LRCH3: variants seen among roughly 807,000 people sequenced by gnomAD.
LRCH3 encodes DISP complex protein LRCH3.
In LRCH3, 68 loss-of-function variants were observed where a neutral mutation model predicts 104.5. The observed-to-expected ratio is 0.65, with a 90% CI of 0.54 to 0.80. LRCH3 has a LOEUF of 0.80. Ranked by LOEUF, LRCH3 falls within the 30% of genes least tolerant of loss-of-function variation. The pLI is 0.00. For synonymous variants in LRCH3, 344 were observed against 361.3 expected (o/e 0.95, Z 0.54); for missense variants, 951 against 953.9 (o/e 1.00, Z 0.04).
intron 1 of LRCH3, among the ~76,000 whole-genome samples, chr3:197,802,933 A>G (rs904292134): frequency 1.3e-5 from 2 of 152,206 alleles, no homozygotes; most frequent in African/African-American, 4.8e-5. Context: ...CAATCAGAAC[A>G]TTCTCAAGGA....
At chr3:197,831,647 CTT>C (rs913934978) in intron 7 of LRCH3, among the ~76,000 whole-genome samples, 2 of 151,802 alleles carry the variant, frequency 1.3e-5, no homozygotes, top group Non-Finnish European at 2.9e-5. Context: ...AGTCATGAAT[CTT>C]TTATATTTTT....
chr3:197,813,510 ATTTTTTTTTTTTT>A lies in LRCH3; in HGVS notation c.263-1372_263-1360del, dbSNP rs57062885. Among the ~76,000 whole-genome samples, 152 of 66,052 alleles carry A rather than the reference ATTTTTTTTTTTTT, an allele frequency of 2.3e-3. 3 individuals are homozygous for A. The highest frequency in any genetic ancestry group is 3.4e-3 in the Admixed American group (18 of 5,300). The allele number at this position is 66,052 out of a possible 152,430, so 43.3% of individuals were successfully genotyped here. On this transcript the variant is annotated intron_variant, in intron 1 of 20. Coordinates refer to ENST00000425562, the MANE Select transcript of LRCH3 (RefSeq NM_001365715.1). Reference sequence around the variant, plus strand: ...CCGTTCTTCTAATGGGAGGCATATAATTTTTTTTTTTTTTTTTTTTTTTTTTTTTTTTTTTTTT... The same window carrying A: ...CCGTTCTTCTAATGGGAGGCATATAATTTTTTTTTTTTTTTTTTTTTTTTT...
intron 1 of LRCH3, among the ~76,000 whole-genome samples, chr3:197,792,577 T>TTTTATATATA (rs1553912028): frequency 4.9e-5 from 1 of 20,330 alleles, no homozygotes; most frequent in African/African-American, 1.2e-4. Flanking sequence ...CCAGCTAATT[T>TTTTATATATA]TATATATATA....
chr3:197,875,820 G>A lies in LRCH3; in HGVS notation c.2208+45G>A, dbSNP rs1407716801. The stretch of plus-strand genomic sequence containing the variant: ...TTATGTTGCCTAAATAGACTTGGTT[G>A]TCCTAAAATTTTAGAAATGTAAATC... On this transcript the variant is annotated intron_variant, in intron 20 of 20. Coordinates refer to ENST00000425562, the MANE Select transcript of LRCH3 (RefSeq NM_001365715.1). The A allele has an allele frequency of 4.7e-6, 6 of 1,277,276 alleles. No individual in the cohort carries two copies. The South Asian group carries it at 7.8e-5, about 17-fold the overall frequency. The allele number at this position is 1,277,276 out of a possible 1,614,324, so 79.1% of individuals were successfully genotyped here. A position where few individuals can be genotyped will look rare whatever the true frequency, so the allele number is the denominator to read the frequency against.
chr3:197,832,232 A>G lies in LRCH3; in HGVS notation c.1017A>G (p.Val339=), dbSNP rs751182170. 8 of 1,613,602 alleles carry G rather than the reference A, an allele frequency of 5.0e-6. No individual in the cohort carries two copies. The highest frequency in any genetic ancestry group is 6.8e-6 in the Non-Finnish European group (8 of 1,179,558). Residue 339 remains valine, a synonymous_variant, in exon 8 of 21, where the codon GTA becomes GTG. Transcript: ENST00000425562. ...AATTTTCAGATCTGCCTCTTCGAGT[A>G]GCAGAGATTACTAAAGAACAAAGAC... is the stretch of plus-strand genomic sequence containing the variant. The part of the protein sequence containing the change: ...TDEFSDLPLR[V]AEITKEQRLR...
At chr3:197,834,568 G>GT (rs1460498914) in intron 8 of LRCH3, among the ~76,000 whole-genome samples, 3 of 152,140 alleles carry the variant, frequency 2.0e-5, no homozygotes, top group Admixed American at 6.5e-5. Flanking sequence ...TTTCTCTTGA[G>GT]TTGACTGTGT....
chr3:197,848,064 A>C, intron 12 of LRCH3, 43 bp downstream of exon 12: 1 of 1,606,932 alleles, frequency 6.2e-7, no homozygotes, highest in South Asian at 1.1e-5. Flanking sequence ...TGACTGGCTA[A>C]GTGCTTATTT....
intron 15 of LRCH3, among the ~76,000 whole-genome samples, chr3:197,862,803 C>T (rs531591676): frequency 2.7e-4 from 41 of 152,246 alleles, no homozygotes; most frequent in Non-Finnish European, 4.9e-4. Context: ...ACTTAGTTTA[C>T]TTGCATCTAT....
chr3:197,845,216 C>G (rs1738477043), intron 10 of LRCH3, among the ~76,000 whole-genome samples: 1 of 151,856 alleles, frequency 6.6e-6, no homozygotes, highest in South Asian at 2.1e-4. Context: ...CAAGACCAGC[C>G]TGGGCAACAT....
intron 4 of LRCH3, among the ~76,000 whole-genome samples, chr3:197,825,360 CTT>C (rs35669763): frequency 1.0e-4 from 12 of 119,314 alleles, no homozygotes; most frequent in African/African-American, 3.1e-4. Context: ...TGTTTTATAT[CTT>C]TTTTTTTTTT....
chr3:197,835,841 C>G lies in LRCH3; in HGVS notation c.1251+19C>G. ...TCATGAGGTAGTACACAGATTGAAG[C>G]CTAAATATGTTGCTATCCCTTCATA... On this transcript the variant is annotated intron_variant, in intron 9 of 20. Transcript: ENST00000425562. 6.2e-7 allele frequency: 1 copy of G among 1,610,132 alleles called. No homozygotes were observed.
chr3:197,815,430 T>C, intron 2 of LRCH3, among the ~76,000 whole-genome samples: 1 of 152,348 alleles, frequency 6.6e-6, no homozygotes, highest in East Asian at 1.9e-4. Context: ...TATAATAAAG[T>C]ATTGAATAGC....
intron 12 of LRCH3, chr3:197,851,022 C>T (rs1739522505): frequency 6.6e-6 from 5 of 762,330 alleles, no homozygotes; most frequent in South Asian, 1.4e-5. Context: ...CAAGGAAACA[C>T]GCTCAGAGAG....
In LRCH3 at chr3:197,885,086, C is replaced by CTA. The variant is rs1295274840; in HGVS notation, c.*1421_*1422dup. 6.6e-6 allele frequency: 1 copy of CTA among 152,186 alleles called. No individual in the cohort carries two copies. Among genetic ancestry groups the CTA allele is most frequent in the African/African-American group, 2.4e-5 (1 of 41,450 alleles). 9.4% of individuals were successfully genotyped at this position (152,186 alleles called of 1,614,324 possible). A position where few individuals can be genotyped will look rare whatever the true frequency, so the allele number is the denominator to read the frequency against. ...ATACACAGGTTCCAAACCCCGTTAT[C>CTA]TAGACATTATCAACAACAAGCCCTC... On this transcript the variant is annotated 3_prime_UTR_variant, in exon 21 of 21. Transcript: ENST00000425562.
At chr3:197,865,165 G>A (rs550945996) in intron 15 of LRCH3, among the ~76,000 whole-genome samples, 9 of 152,028 alleles carry the variant, frequency 5.9e-5, no homozygotes, top group Non-Finnish European at 8.8e-5. Flanking sequence ...TTTTTTAGAC[G>A]TTTTGTAGAG....
At chr3:197,879,972 G>A (rs749802286) in intron 20 of LRCH3, among the ~76,000 whole-genome samples, 6 of 149,014 alleles carry the variant, frequency 4.0e-5, no homozygotes, top group Middle Eastern at 3.5e-3. Context: ...TTGAGACGGA[G>A]TCTCGCTCTG....
At chr3:197,865,975 C>T in intron 16 of LRCH3, 137 bp from the exon 17 acceptor site, 1 of 648,666 alleles carries the variant, frequency 1.5e-6, no homozygotes, top group East Asian at 2.8e-5. Context: ...ATTTTCTGTA[C>T]CAGACTTTTC....
At chr3:197,855,512 T>C (rs1740130292) in intron 14 of LRCH3, among the ~76,000 whole-genome samples, 2 of 152,210 alleles carry the variant, frequency 1.3e-5, no homozygotes, top group Non-Finnish European at 2.9e-5. Context: ...AGGCCCAGAA[T>C]GTGACTTGTC....
rs1484786054 is a variant in LRCH3, at chr3:197,870,197, C to T, written c.1911C>T (p.Thr637=). The part of the protein sequence containing the change: ...ASPLPPSAAP[T]TDSTDSITGQ... The stretch of plus-strand genomic sequence containing the variant: ...CCCTTCCTCCATCTGCTGCACCTAC[C>T]ACTGATTCTACAGATTCCATAACAG... Residue 637 remains threonine, a synonymous_variant, in exon 18 of 21, where the codon ACC becomes ACT. Coordinates refer to ENST00000425562, the MANE Select transcript of LRCH3 (RefSeq NM_001365715.1). 6.2e-7 allele frequency: 1 copy of T among 1,612,740 alleles called. No homozygotes were observed. The highest frequency in any genetic ancestry group is 1.3e-5 in the African/African-American group (1 of 74,866).
Sources: gnomAD v4.1 joint callset for allele counts (sites outside exome capture counted in the v4.1 genomes callset) on GRCh38, gnomAD v4.1.1 for gene constraint, MANE v1.5 for transcripts, NCBI Gene and HGNC (gene_info 2026-07-23, HGNC 2026-07-21) for gene names.